ADGRE2: variants seen among roughly 807,000 people sequenced by gnomAD.
ADGRE2 encodes the protein CD97 antigen.
In ADGRE2, 83 loss-of-function variants were observed where a neutral mutation model predicts 100.8. That is an observed-to-expected ratio of 0.82 (90% CI 0.69 to 0.99). The LOEUF (loss-of-function observed/expected upper bound fraction) is 0.99, where lower values mean the gene tolerates loss of function less well. Among genes scored for constraint, ADGRE2 ranks in the 50% least tolerant of loss-of-function variants. The pLI is 0.00. For missense variants in ADGRE2, 814 were observed against 1,035.7 expected (o/e 0.79, Z 2.94); for synonymous variants, 355 against 413.0 (o/e 0.86, Z 1.70).
In ADGRE2 at chr19:14,772,381, C is replaced by T. The variant is rs1438366134; in HGVS notation, c.316G>A (p.Ala106Thr). The T allele has an allele frequency of 1.9e-6, 3 of 1,614,042 alleles. No individual in the cohort carries two copies. Among genetic ancestry groups the T allele is most frequent in the Non-Finnish European group, 1.7e-6 (2 of 1,180,022 alleles). The change falls in exon 5 of 21, where the codon GCA becomes ACA. Residue 106 changes from alanine to threonine, a missense_variant. Physicochemically the swap from Ala to Thr is moderately conservative, Grantham distance 58. Around this residue, in one of 5 missense-constraint regions of ADGRE2, gnomAD observed 143 missense variants for 160.3 expected, o/e 0.89. Coordinates refer to ENST00000315576, the MANE Select transcript of ADGRE2 (RefSeq NM_013447.4). The stretch of plus-strand genomic sequence containing the variant: ...TCGCTCTCATTCTTGAATGTTTTTG[C>T]CCCAGAAACAGGCTCATATCCTGGG... ...CSPGYEPVSG[A>T]KTFKNESENT...
At position 14,734,671 on chromosome 19, in the gene ADGRE2, A is replaced by C. The variant is rs2042717962; in HGVS notation, c.*1565T>G. The C allele has an allele frequency of 6.6e-6, 1 of 152,154 alleles. No homozygotes were observed. Among genetic ancestry groups the C allele is most frequent in the Admixed American group, 6.6e-5 (1 of 15,266 alleles). 9.4% of individuals were successfully genotyped at this position (152,154 alleles called of 1,614,324 possible). On this transcript the variant is annotated 3_prime_UTR_variant, in exon 21 of 21. Coordinates refer to ENST00000315576, the MANE Select transcript of ADGRE2 (RefSeq NM_013447.4). ...TGAACTCCTGACCTTAGGTGATCTG[A>C]CCACCTCAGCCTCCCAAAGTGCTGG...
rs1402345215 is a variant in ADGRE2, at chr19:14,735,912, G to A, written c.*324C>T. The A allele has an allele frequency of 1.4e-5, 3 of 208,808 alleles. No homozygotes were observed. In the East Asian group the frequency reaches 3.1e-4, roughly 21 times the overall value. The allele number at this position is 208,808 out of a possible 1,614,324, so 12.9% of individuals were successfully genotyped here. A position where few individuals can be genotyped will look rare whatever the true frequency, so the allele number is the denominator to read the frequency against. On this transcript the variant is annotated 3_prime_UTR_variant, in exon 21 of 21. Coordinates refer to ENST00000315576, the MANE Select transcript of ADGRE2 (RefSeq NM_013447.4). ...CTGCTTCATTTTAAGATTTGGAGGA[G>A]TCTTTGTAGGAAGGAGAGGCTGTGA...
At chr19:14,752,181 C>T (rs1300975070) in intron 15 of ADGRE2, 148 bp downstream of exon 15, 7 of 976,468 alleles carry the variant, frequency 7.2e-6, no homozygotes, top group Non-Finnish European at 9.2e-6. Context: ...GATCCGCCCA[C>T]CTCAGTCTCC....
intron 20 of ADGRE2, among the ~76,000 whole-genome samples, chr19:14,738,691 T>C (rs574268845): frequency 2.2e-3 from 329 of 152,240 alleles, no homozygotes; most frequent in Middle Eastern, 3.4e-3. Context: ...ATTCCTTTTT[T>C]CCATATCTTT....
intron 5 of ADGRE2, among the ~76,000 whole-genome samples, chr19:14,771,254 C>T (rs909071241): frequency 1.3e-5 from 2 of 152,188 alleles, no homozygotes; most frequent in South Asian, 4.1e-4. Context: ...GCTGAACCCC[C>T]TTAATGTCCC....
rs749809162 is a variant in ADGRE2 at position 14,773,954 on chromosome 19, G to T, written c.183C>A (p.Pro61=). 6 of 1,613,776 alleles carry T rather than the reference G, an allele frequency of 3.7e-6. No individual in the cohort carries two copies. Among genetic ancestry groups the T allele is most frequent in the Non-Finnish European group, 5.1e-6 (6 of 1,179,786 alleles). Residue 61 remains proline, a synonymous_variant, in exon 4 of 21, where the codon CCC becomes CCA. Coordinates refer to ENST00000315576, the MANE Select transcript of ADGRE2 (RefSeq NM_013447.4). ...CCTCTGTACCGTCACAAGTCTCCAT[G>T]GGGGTGGTGATGATCTCAGAAAAAG... ...FSSFSEIITT[P]METCDDINEC...
the ADGRE2 span, among the ~76,000 whole-genome samples, chr19:14,726,656 T>C: frequency 6.6e-6 from 1 of 152,218 alleles, no homozygotes; most frequent in Admixed American, 6.5e-5. Context: ...AAGTCATTAC[T>C]ATTAAGTTCA....
At chr19:14,774,966 T>C (rs1157155485) in intron 2 of ADGRE2, among the ~76,000 whole-genome samples, 3 of 147,004 alleles carry the variant, frequency 2.0e-5, no homozygotes, top group Non-Finnish European at 3.0e-5. Flanking sequence ...GAGCCACGGC[T>C]CCCAGCTCAA....
chr19:14,766,882 G>A (rs1210389589), intron 6 of ADGRE2, 96 bp downstream of exon 6: 12 of 1,410,814 alleles, frequency 8.5e-6, no homozygotes, highest in Middle Eastern at 1.9e-4. Context: ...GGGAACCTGC[G>A]GATCTTCTCC....
chr19:14,762,158 T>G (rs1244961829), intron 11 of ADGRE2, among the ~76,000 whole-genome samples: 1 of 151,752 alleles, frequency 6.6e-6, no homozygotes, highest in South Asian at 2.1e-4. Context: ...CATATTTAGC[T>G]CACAATAAAT....
At chr19:14,744,117 G>A (rs183974741) in intron 18 of ADGRE2, among the ~76,000 whole-genome samples, 7 of 151,886 alleles carry the variant, frequency 4.6e-5, no homozygotes, top group East Asian at 1.9e-4. Context: ...TCGGGGGGGC[G>A]CCTGTAATCC....
chr19:14,767,645 C>A (rs1178039248), intron 5 of ADGRE2, among the ~76,000 whole-genome samples: 5 of 152,214 alleles, frequency 3.3e-5, no homozygotes, highest in Non-Finnish European at 7.3e-5. Flanking sequence ...CTCCCCATCT[C>A]CCCTGCCTCC....
At chr19:14,740,157 T>A (rs1185490125) in intron 20 of ADGRE2, among the ~76,000 whole-genome samples, 1 of 151,168 alleles carries the variant, frequency 6.6e-6, no homozygotes, top group African/African-American at 2.4e-5. Flanking sequence ...GGAAGGTGGA[T>A]GGTCATGTTT....
At chr19:14,739,580 T>C (rs895886820) in intron 20 of ADGRE2, among the ~76,000 whole-genome samples, 2 of 152,134 alleles carry the variant, frequency 1.3e-5, no homozygotes, top group African/African-American at 4.8e-5. Context: ...GATTCTACAA[T>C]AGGTAAACCC....
chr19:14,778,167 C>T (rs2098008), intron 1 of ADGRE2, 90 bp downstream of exon 1: 21,594 of 152,038 alleles, frequency 0.14, 1,547 homozygotes, highest in South Asian at 0.22. Flanking sequence ...TCTGGGAGGC[C>T]GAGGCAGGAG....
Position 14,752,514 on chromosome 19 carries a change from C to T in ADGRE2, c.1603G>A (p.Val535Met), listed in dbSNP as rs370924160. The change falls in exon 15 of 21, where the codon GTG becomes ATG. Residue 535 changes from valine (V) to methionine (M), a missense_variant. Val to Met is a conservative substitution (Grantham distance 21). Transcript: ENST00000315576. ...CCCATGTAGGTGATGACAGTCAGCA[C>T]GGGATCCTCCTCCTGGGACCCGGAA... ...AHYDVQEEDP[V>M]LTVITYMGLS... 409 of 1,613,980 alleles carry T rather than the reference C, an allele frequency of 2.5e-4. 1 individual carries two copies. Among genetic ancestry groups the T allele is most frequent in the East Asian group, 1.0e-3 (47 of 44,886 alleles).
At chr19:14,749,319 C>T (rs1284515750) in intron 16 of ADGRE2, among the ~76,000 whole-genome samples, 3 of 49,938 alleles carry the variant, frequency 6.0e-5, no homozygotes. Context: ...ATGATATATA[C>T]ATATATAATA....
At chr19:14,777,210 G>A in intron 1 of ADGRE2, 1 of 460,228 alleles carries the variant, frequency 2.2e-6, no homozygotes, top group African/African-American at 2.1e-5. Context: ...GCACGCAGGG[G>A]CCTTGTCAGA....
chr19:14,753,347 G>A (rs1439024801), intron 14 of ADGRE2, among the ~76,000 whole-genome samples: 2 of 152,126 alleles, frequency 1.3e-5, no homozygotes, highest in African/African-American at 4.8e-5. Context: ...GGTAATTACA[G>A]GTCTGGGCGG....
Sources: gnomAD v4.1 joint callset for allele counts (sites outside exome capture counted in the v4.1 genomes callset) on GRCh38, gnomAD v4.1.1 for gene constraint, gnomAD v4.1.1 regional missense constraint, MANE v1.5 for transcripts, NCBI Gene and HGNC (gene_info 2026-07-23, HGNC 2026-07-21) for gene names.